Variants in PHLPP1 observed in about 807,000 individuals in gnomAD.
PHLPP1 encodes PH domain leucine-rich repeat-containing protein phosphatase 1.
In PHLPP1, 42 loss-of-function variants were observed where a neutral mutation model predicts 117.2. The ratio of observed to expected loss-of-function variants is 0.36; its 90% confidence interval spans 0.28 to 0.46. The LOEUF is 0.46. Ranked by LOEUF, PHLPP1 falls within the 20% of genes least tolerant of loss-of-function variation. The pLI, the probability that PHLPP1 is intolerant of heterozygous loss-of-function variation, is 1.00. For missense variants in PHLPP1, 2,084 were observed against 2,241.9 expected (o/e 0.93, Z 1.42); for synonymous variants, 1,042 against 970.7 (o/e 1.07, Z -1.37).
chr18:62,829,953 C>T (rs1914711129), intron 1 of PHLPP1, 82 bp from the exon 2 acceptor site: 1 of 903,580 alleles, frequency 1.1e-6, no homozygotes, highest in South Asian at 2.2e-5. Context: ...CCCTTGTTGT[C>T]CAATTCATAT....
At chr18:62,748,936 A>G (rs955359373) in intron 1 of PHLPP1, among the ~76,000 whole-genome samples, 9 of 152,114 alleles carry the variant, frequency 5.9e-5, no homozygotes, top group African/African-American at 1.9e-4. Flanking sequence ...TGGAAGTTTT[A>G]TAATACATTA....
intron 4 of PHLPP1, among the ~76,000 whole-genome samples, chr18:62,893,841 A>G (rs1322255461): frequency 6.6e-6 from 1 of 152,206 alleles, no homozygotes; most frequent in Non-Finnish European, 1.5e-5. Flanking sequence ...TTGCTTGGGC[A>G]ACTGTGAAAA....
chr18:62,749,595 G>A (rs571175342), intron 1 of PHLPP1, among the ~76,000 whole-genome samples: 1 of 152,196 alleles, frequency 6.6e-6, no homozygotes, highest in Non-Finnish European at 1.5e-5. Flanking sequence ...GAAGGTGTTG[G>A]CAGGGTTGGT....
At chr18:62,962,425 A>G (rs529889913) in intron 13 of PHLPP1, among the ~76,000 whole-genome samples, 19 of 152,272 alleles carry the variant, frequency 1.2e-4, no homozygotes, top group Admixed American at 9.8e-4. Flanking sequence ...CTCCTGTCTC[A>G]GCCTCCCGAG....
chr18:62,826,178 C>A, intron 1 of PHLPP1: 2 of 318,172 alleles, frequency 6.3e-6, no homozygotes, highest in Non-Finnish European at 1.3e-5. Context: ...TTCTGGAGGT[C>A]CATTGCTTTC....
intron 6 of PHLPP1, among the ~76,000 whole-genome samples, chr18:62,900,455 TTTTTTTG>T (rs1349286280): frequency 2.4e-5 from 3 of 126,742 alleles, no homozygotes; most frequent in Admixed American, 7.9e-5. Context: ...TTTTTTTTTT[TTTTTTTG>T]AGACAGGGTC....
At chr18:62,953,295 T>C (rs923349044) in intron 12 of PHLPP1, among the ~76,000 whole-genome samples, 1 of 152,234 alleles carries the variant, frequency 6.6e-6, no homozygotes, top group African/African-American at 2.4e-5. Context: ...TATCTTCTGC[T>C]CTGGGGCCCA....
intron 4 of PHLPP1, among the ~76,000 whole-genome samples, chr18:62,877,724 A>G (rs1916083012): frequency 6.6e-6 from 1 of 152,242 alleles, no homozygotes; most frequent in South Asian, 2.1e-4. Context: ...CAAGATTCCC[A>G]TTTTCCTTCC....
In PHLPP1 at chr18:62,979,347, G is replaced by T. The variant is rs140161294; in HGVS notation, c.5070G>T (p.Pro1690=). ...AGGAGCAACAGCAGCAGCAGCAGCC[G>T]CCACCACCCCCTCAGCTCCAGCCGC... is the stretch of plus-strand genomic sequence containing the variant. ...HHQEQQQQQQ[P]PPPPQLQPQL... Residue 1690 remains proline, a synonymous_variant, in exon 17 of 17, where the codon CCG becomes CCT. Coordinates refer to ENST00000262719, the MANE Select transcript of PHLPP1 (RefSeq NM_194449.4). The T allele has an allele frequency of 1.7e-3, 2,560 of 1,547,740 alleles. 71 individuals carry two copies. In the Admixed American group the frequency reaches 0.045, roughly 27 times the overall value.
intron 13 of PHLPP1, 85 bp from the exon 14 acceptor site, chr18:62,963,283 G>A (rs1910817095): frequency 2.4e-6 from 2 of 841,248 alleles, no homozygotes; most frequent in Non-Finnish European, 2.0e-6. Context: ...TTTAACAGGT[G>A]TATTTTTTAT....
rs551775031 is a variant in PHLPP1, at chr18:62,764,490, G to T, written c.1576+47231G>T. On this transcript the variant is annotated intron_variant, in intron 1 of 16. Transcript: ENST00000262719. Reference sequence around the variant, plus strand: ...ACTTAACGTTCATCTTGGGGATGAAGTGGGTTCTTACTTGTACAAGGGAGG... The same window carrying T: ...ACTTAACGTTCATCTTGGGGATGAATTGGGTTCTTACTTGTACAAGGGAGG... Among the ~76,000 whole-genome samples, 6 of 152,094 alleles carry T rather than the reference G, an allele frequency of 3.9e-5. No homozygotes were observed. In the South Asian group the frequency reaches 1.2e-3, roughly 32 times the overall value.
At chr18:62,855,024 G>A (rs1454446899) in intron 3 of PHLPP1, among the ~76,000 whole-genome samples, 1 of 152,046 alleles carries the variant, frequency 6.6e-6, no homozygotes, top group African/African-American at 2.4e-5. Flanking sequence ...AAACTAAATG[G>A]CCTTGGGCGC....
chr18:62,860,921 A>G (rs1263372704), intron 4 of PHLPP1, among the ~76,000 whole-genome samples: 1 of 152,226 alleles, frequency 6.6e-6, no homozygotes, highest in African/African-American at 2.4e-5. Flanking sequence ...TTGGTGTGTT[A>G]CTTCTGAACT....
intron 1 of PHLPP1, among the ~76,000 whole-genome samples, chr18:62,791,196 T>C (rs1913446484): frequency 6.6e-6 from 1 of 152,110 alleles, no homozygotes; most frequent in Non-Finnish European, 1.5e-5. Context: ...TGTGGGATGA[T>C]TGGATTTTCT....
intron 3 of PHLPP1, among the ~76,000 whole-genome samples, chr18:62,848,613 G>A (rs1000081439): frequency 2.0e-5 from 3 of 151,890 alleles, no homozygotes; most frequent in African/African-American, 2.4e-5. Context: ...ACAGGCATGC[G>A]CCACCACTCC....
At chr18:62,935,551 T>C (rs1048127730) in intron 10 of PHLPP1, among the ~76,000 whole-genome samples, 1 of 152,192 alleles carries the variant, frequency 6.6e-6, no homozygotes, top group Non-Finnish European at 1.5e-5. Context: ...AAGAATCATA[T>C]AAGAATAGCC....
intron 4 of PHLPP1, among the ~76,000 whole-genome samples, chr18:62,876,705 T>C (rs1328876238): frequency 6.6e-6 from 1 of 152,224 alleles, no homozygotes; most frequent in African/African-American, 2.4e-5. Context: ...CATCAGTCAC[T>C]TAGAATGATT....
At chr18:62,728,529 T>C (rs1322052173) in intron 1 of PHLPP1, among the ~76,000 whole-genome samples, 6 of 148,192 alleles carry the variant, frequency 4.0e-5, no homozygotes, top group Non-Finnish European at 8.9e-5. Flanking sequence ...TTTGAGACAG[T>C]GTCTCACTCT....
At chr18:62,828,182 ACTT>A (rs1428053698) in intron 1 of PHLPP1, among the ~76,000 whole-genome samples, 2 of 151,954 alleles carry the variant, frequency 1.3e-5, no homozygotes, top group African/African-American at 4.8e-5. Context: ...CTTCTCTCTT[ACTT>A]CTTCCCCACA....
Sources: gnomAD v4.1 joint callset for allele counts (sites outside exome capture counted in the v4.1 genomes callset) on GRCh38, gnomAD v4.1.1 for gene constraint, MANE v1.5 for transcripts, NCBI Gene and HGNC (gene_info 2026-07-23, HGNC 2026-07-21) for gene names.